GATM: variants seen among roughly 807,000 people sequenced by gnomAD.
The protein encoded by GATM is glycine amidinotransferase.
Under a neutral mutation model 54.2 loss-of-function variants are expected in GATM, and 23 were observed. The observed-to-expected ratio is 0.42, with a 90% CI of 0.31 to 0.60. GATM has a LOEUF of 0.60. GATM is among the 20% of genes least tolerant of loss of function. The probability of loss-of-function intolerance (pLI) is 0.14; values close to 1 mark genes in which losing one functional copy is unlikely to be tolerated. For missense variants in GATM, 401 were observed against 544.9 expected (o/e 0.74, Z 2.63); for synonymous variants, 168 against 183.1 (o/e 0.92, Z 0.67).
At chr15:45,378,302 G>T (rs1889676375) in intron 1 of GATM, 83 bp downstream of exon 1, 2 of 1,097,144 alleles carry the variant, frequency 1.8e-6, no homozygotes, top group Admixed American at 2.4e-5. Context: ...GCGGCTCCGG[G>T]CAGGGAGCGA....
chr15:45,393,414 A>T (rs1889892363), intron 3 of GATM, among the ~76,000 whole-genome samples: 1 of 131,214 alleles, frequency 7.6e-6, no homozygotes, highest in African/African-American at 2.8e-5. Context: ...TCTCAACTAT[A>T]AATTAAAAAA....
At chr15:45,392,777 C>T (rs1889886564) in intron 3 of GATM, among the ~76,000 whole-genome samples, 1 of 152,154 alleles carries the variant, frequency 6.6e-6, no homozygotes, top group African/African-American at 2.4e-5. Context: ...GTATGCCTGC[C>T]TAGCCTTTAT....
chr15:45,399,422 G>A (rs1889972402), intron 2 of GATM: 1 of 152,152 alleles, frequency 6.6e-6, no homozygotes, highest in Non-Finnish European at 1.5e-5. Flanking sequence ...GAGGTGATTA[G>A]GTCACGAGAG....
At chr15:45,374,524 C>T (rs1889595406) in intron 2 of GATM, among the ~76,000 whole-genome samples, 1 of 152,226 alleles carries the variant, frequency 6.6e-6, no homozygotes, top group Admixed American at 6.5e-5. Context: ...TTAATCTTCT[C>T]ATCAAATTCC....
intron 4 of GATM, among the ~76,000 whole-genome samples, chr15:45,367,386 A>C (rs1353378560): frequency 1.3e-5 from 2 of 152,032 alleles, no homozygotes; most frequent in Non-Finnish European, 2.9e-5. Context: ...GATTCTGAGA[A>C]TATTCCATGA....
intron 2 of GATM, among the ~76,000 whole-genome samples, chr15:45,376,259 G>A (rs545953812): frequency 2.6e-5 from 4 of 152,304 alleles, no homozygotes; most frequent in Admixed American, 2.6e-4. Flanking sequence ...GGAGGTGGGA[G>A]CGGTAGCTGT....
At chr15:45,390,913 G>A (rs2140677170) in intron 3 of GATM, among the ~76,000 whole-genome samples, 1 of 152,290 alleles carries the variant, frequency 6.6e-6, no homozygotes, top group African/African-American at 2.4e-5. Context: ...TCAGGGAAGT[G>A]CACCATGAAT....
chr15:45,366,330 C>T lies in GATM; in HGVS notation c.813+41G>A, dbSNP rs746864923. 3 of 1,612,826 alleles carry T rather than the reference C, an allele frequency of 1.9e-6. No homozygotes were observed. In the Admixed American group the frequency reaches 5.0e-5, roughly 27 times the overall value. On this transcript the variant is annotated intron_variant, in intron 5 of 8. Transcript: ENST00000396659. ...TATTTTAATTTGGAAGTAAAGAATA[C>T]AATAATATAGTGTGAAATTTCAGAG...
At chr15:45,399,757 C>T (rs940025260) in intron 1 of GATM, among the ~76,000 whole-genome samples, 13 of 152,216 alleles carry the variant, frequency 8.5e-5, no homozygotes, top group African/African-American at 3.1e-4. Context: ...CAGTTGAGAA[C>T]ACCAACGTCC....
At position 45,395,464 on chromosome 15, in the gene GATM, A is replaced by G. The variant is rs142625771; in HGVS notation, c.-319+1458T>C. 2.0e-5 allele frequency among the ~76,000 whole-genome samples: 3 copies of G among 152,316 alleles called. No homozygotes were observed. In the East Asian group the frequency reaches 5.8e-4, roughly 29 times the overall value. Reference sequence around the variant, plus strand: ...TATTAAACACCTAGCATTTTGCTCAACGCTGGGATGGGGAACAAAAATTAT... The same window carrying G: ...TATTAAACACCTAGCATTTTGCTCAGCGCTGGGATGGGGAACAAAAATTAT... On this transcript the variant is annotated intron_variant, in intron 3 of 4. Coordinates refer to the GATM transcript ENST00000561148.
intron 2 of GATM, among the ~76,000 whole-genome samples, chr15:45,370,367 C>T (rs919448132): frequency 2.7e-5 from 4 of 146,224 alleles, no homozygotes; most frequent in African/African-American, 1.0e-4. Flanking sequence ...CAAAGCGAGA[C>T]TCTGTCTCAA....
At chr15:45,388,250 G>A (rs147977360) in intron 3 of GATM, among the ~76,000 whole-genome samples, 26 of 152,300 alleles carry the variant, frequency 1.7e-4, no homozygotes, top group African/African-American at 6.3e-4. Flanking sequence ...TAATTTTCAT[G>A]AGTTTGTGGG....
chr15:45,378,218 T>C, intron 1 of GATM, 167 bp downstream of exon 1: 1 of 524,408 alleles, frequency 1.9e-6, no homozygotes, highest in Non-Finnish European at 3.3e-6. Flanking sequence ...CGAAGGCTCT[T>C]GAAGCTGAGC....
intron 4 of GATM, 77 bp downstream of exon 4, chr15:45,367,993 T>C: frequency 8.0e-7 from 1 of 1,248,896 alleles, no homozygotes; most frequent in Non-Finnish European, 1.2e-6. Flanking sequence ...ATACAAGGTA[T>C]CAGAGAATCT....
At chr15:45,381,508 T>A (rs911319294), upstream of GATM, among the ~76,000 whole-genome samples, 2 of 152,194 alleles carry the variant, frequency 1.3e-5, no homozygotes, top group Admixed American at 6.5e-5. Flanking sequence ...GTCATTGGAT[T>A]AACAAAATAA....
chr15:45,372,704 G>C (rs988333386), intron 2 of GATM, among the ~76,000 whole-genome samples: 1 of 152,194 alleles, frequency 6.6e-6, no homozygotes, highest in East Asian at 1.9e-4. Context: ...ATTTGTGCAG[G>C]GTGAAGCTTG....
chr15:45,362,703 G>T (rs897575801), intron 8 of GATM, among the ~76,000 whole-genome samples: 3 of 152,174 alleles, frequency 2.0e-5, no homozygotes, highest in African/African-American at 7.2e-5. Flanking sequence ...ATGGAACAGA[G>T]CTGGTGTTTT....
rs1889483703 is a variant in GATM, at chr15:45,368,380, G to A, written c.485-120C>T. The A allele has an allele frequency of 1.2e-6, 1 of 807,870 alleles. No individual in the cohort carries two copies. The highest frequency in any genetic ancestry group is 2.0e-5 in the Admixed American group (1 of 49,906). The allele number at this position is 807,870 out of a possible 1,614,324, so 50.0% of individuals were successfully genotyped here. On this transcript the variant is annotated intron_variant, in intron 3 of 8. Transcript: ENST00000396659. This position sits in a 1 kb window ranked among gnomAD's most constrained non-coding sequence, Gnocchi z 5.1. ...TAATCCCACCACTTTGGGAGGCCAA[G>A]ACGGGCGGATCACTTGATCCTCTTC...
At chr15:45,385,853 C>T (rs182976479) in intron 3 of GATM, among the ~76,000 whole-genome samples, 3 of 152,172 alleles carry the variant, frequency 2.0e-5, no homozygotes, top group Non-Finnish European at 4.4e-5. Flanking sequence ...AGTTTTATAC[C>T]CCACCATATA....
Sources: allele counts gnomAD v4.1 joint callset (sites outside exome capture counted in the v4.1 genomes callset), GRCh38; gene constraint gnomAD v4.1.1; non-coding constraint Gnocchi (gnomAD v3.1); transcripts MANE v1.5; gene names NCBI Gene and HGNC (gene_info 2026-07-23, HGNC 2026-07-21).